The following TBC1D14 variants were observed in gnomAD, a reference collection of about 807,000 sequenced individuals.
TBC1D14 encodes the protein TBC1 domain family, member 14.
In TBC1D14, 26 loss-of-function variants were observed where a neutral mutation model predicts 79.0. The ratio of observed to expected loss-of-function variants is 0.33; its 90% CI spans 0.24 to 0.46. The LOEUF is 0.46. TBC1D14 is among the 20% of genes least tolerant of loss of function. TBC1D14 has a pLI of 1.00. For synonymous variants in TBC1D14, 394 were observed against 349.9 expected (o/e 1.13, Z -1.40); for missense variants, 769 against 887.6 (o/e 0.87, Z 1.70).
chr4:6,945,749 C>CAAAAAAAAAAAAA (rs71173472), intron 2 of TBC1D14, among the ~76,000 whole-genome samples: 4 of 64,134 alleles, frequency 6.2e-5, no homozygotes, highest in Admixed American at 2.5e-4. Flanking sequence ...AACTGCGTCT[C>CAAAAAAAAAAAAA]AAAAAAAAAA....
chr4:6,955,346 A>G (rs1310621630), intron 2 of TBC1D14, among the ~76,000 whole-genome samples: 4 of 152,192 alleles, frequency 2.6e-5, no homozygotes, highest in Admixed American at 2.6e-4. Context: ...TTCAGGAGGA[A>G]GCGTCTTAGC....
intron 2 of TBC1D14, among the ~76,000 whole-genome samples, chr4:6,947,925 C>A (rs1172035343): frequency 6.6e-6 from 1 of 152,098 alleles, no homozygotes; most frequent in Non-Finnish European, 1.5e-5. Flanking sequence ...GATACAAAGA[C>A]CAAGTAGGAA....
At chr4:7,014,362 G>A (rs1721079674) in intron 11 of TBC1D14, 86 bp from the exon 12 acceptor site, 2 of 806,976 alleles carry the variant, frequency 2.5e-6, no homozygotes, top group South Asian at 1.5e-5. Flanking sequence ...AATTGTTAGA[G>A]TCTAAAGATA....
intron 2 of TBC1D14, among the ~76,000 whole-genome samples, chr4:6,955,431 G>A (rs969908605): frequency 6.6e-6 from 1 of 152,210 alleles, no homozygotes; most frequent in Non-Finnish European, 1.5e-5. Context: ...GGAGGAGGAT[G>A]TAAAACATAG....
intron 3 of TBC1D14, among the ~76,000 whole-genome samples, chr4:6,988,362 G>C (rs1276492112): frequency 6.6e-6 from 1 of 152,334 alleles, no homozygotes; most frequent in Non-Finnish European, 1.5e-5. Flanking sequence ...AGCTTATGCT[G>C]GTTCTCATTT....
chr4:7,024,340 C>T (rs944468175), intron 12 of TBC1D14, among the ~76,000 whole-genome samples: 1 of 152,204 alleles, frequency 6.6e-6, no homozygotes. Flanking sequence ...AAGAGAGGTC[C>T]TCCAGGAGGG....
intron 1 of TBC1D14, among the ~76,000 whole-genome samples, chr4:6,914,269 C>T (rs894856822): frequency 6.6e-6 from 1 of 152,144 alleles, no homozygotes; most frequent in Admixed American, 6.6e-5. Flanking sequence ...GCCTGGTTTG[C>T]CGAAACATAC....
intron 3 of TBC1D14, among the ~76,000 whole-genome samples, chr4:6,983,882 G>C (rs1330758876): frequency 6.6e-6 from 1 of 152,158 alleles, no homozygotes; most frequent in African/African-American, 2.4e-5. Context: ...TGCTTCCTAA[G>C]TTTTGCTTAT....
At chr4:6,947,226 G>T (rs942711312) in intron 2 of TBC1D14, among the ~76,000 whole-genome samples, 4 of 150,934 alleles carry the variant, frequency 2.7e-5, no homozygotes, top group Non-Finnish European at 4.4e-5. Context: ...GGGCAGGCGC[G>T]GTGGCTCAAG....
chr4:7,003,639 A>T (rs1428410168), intron 7 of TBC1D14, among the ~76,000 whole-genome samples: 1 of 152,238 alleles, frequency 6.6e-6, no homozygotes, highest in Non-Finnish European at 1.5e-5. Flanking sequence ...AGCTGCAATT[A>T]AAGTCTTAGT....
At chr4:6,974,369 A>G (rs1577105878) in intron 3 of TBC1D14, among the ~76,000 whole-genome samples, 1 of 152,176 alleles carries the variant, frequency 6.6e-6, no homozygotes, top group South Asian at 2.1e-4. Flanking sequence ...CTAGAGAACC[A>G]GAAAAGGGGA....
intron 3 of TBC1D14, among the ~76,000 whole-genome samples, chr4:6,989,472 G>C (rs1267070130): frequency 1.3e-5 from 2 of 152,186 alleles, no homozygotes; most frequent in Non-Finnish European, 2.9e-5. Flanking sequence ...TTACCTGTCT[G>C]TCCACTCAGC....
At chr4:6,965,207 G>C (rs949132023) in intron 2 of TBC1D14, among the ~76,000 whole-genome samples, 2 of 151,862 alleles carry the variant, frequency 1.3e-5, no homozygotes, top group Admixed American at 6.6e-5. Flanking sequence ...CCCCAGGCTG[G>C]AGTGCAATGG....
intron 1 of TBC1D14, among the ~76,000 whole-genome samples, chr4:6,920,849 G>T (rs918437779): frequency 2.0e-5 from 3 of 152,158 alleles, no homozygotes; most frequent in African/African-American, 7.2e-5. Context: ...CGCGATCTCC[G>T]CTCACTGCAA....
chr4:7,009,701 G>A (rs1002786028), intron 9 of TBC1D14, among the ~76,000 whole-genome samples, 176 bp from the exon 10 acceptor site: 1 of 152,222 alleles, frequency 6.6e-6, no homozygotes, highest in African/African-American at 2.4e-5. Flanking sequence ...CCCTAGCTGT[G>A]AATGGGTAAT....
At chr4:6,913,929 G>A (rs1723192470) in intron 1 of TBC1D14, among the ~76,000 whole-genome samples, 1 of 152,026 alleles carries the variant, frequency 6.6e-6, no homozygotes, top group South Asian at 2.1e-4. Flanking sequence ...AGGAGTTCAA[G>A]ACCAGCCTGG....
At chr4:6,987,389 A>G in intron 3 of TBC1D14, 1 of 1,395,092 alleles carries the variant, frequency 7.2e-7, no homozygotes, top group South Asian at 1.5e-5. Flanking sequence ...CCTGCGCCCC[A>G]GGCCTGCCCG....
At chr4:6,960,551 A>G (rs1019166785) in intron 2 of TBC1D14, among the ~76,000 whole-genome samples, 7 of 152,002 alleles carry the variant, frequency 4.6e-5, no homozygotes, top group African/African-American at 1.2e-4. Flanking sequence ...TTTCCCTTCA[A>G]AAAAATGCCT....
intron 3 of TBC1D14, among the ~76,000 whole-genome samples, chr4:6,988,116 T>TC (rs1412938029): frequency 1.3e-5 from 2 of 152,008 alleles, no homozygotes; most frequent in Non-Finnish European, 2.9e-5. Context: ...AGGCCATTCT[T>TC]CCCCCTCAAA....
Sources: gnomAD v4.1 joint callset for allele counts (sites outside exome capture counted in the v4.1 genomes callset) on GRCh38, gnomAD v4.1.1 for gene constraint, MANE v1.5 for transcripts, NCBI Gene and HGNC (gene_info 2026-07-23, HGNC 2026-07-21) for gene names.